CMTM8: variants seen among roughly 807,000 people sequenced by gnomAD.
CMTM8 encodes CKLF-like MARVEL transmembrane domain-containing protein 8.
A neutral mutation model predicts 18.6 loss-of-function variants in CMTM8; 12 were observed. The observed-to-expected ratio is 0.65, with a 90% CI of 0.41 to 1.05. The LOEUF (loss-of-function observed/expected upper bound fraction) is 1.05. Ranked by LOEUF, CMTM8 falls within the 50% of genes least tolerant of loss-of-function variation. The pLI, the probability that CMTM8 is intolerant of heterozygous loss-of-function variation, is 0.00. For synonymous variants in CMTM8, 87 were observed against 90.6 expected, an observed-to-expected ratio of 0.96 and a Z score of 0.23; for missense variants, 217 against 227.2, an observed-to-expected ratio of 0.95 and a Z score of 0.29.
chr3:32,319,074 A>ATATATATATATATATATATATTT, intron 1 of CMTM8, among the ~76,000 whole-genome samples: 1 of 31,530 alleles, frequency 3.2e-5, no homozygotes, highest in African/African-American at 1.5e-4. Context: ...ATATATATAT[A>ATATATATATATATATATATATTT]TTTTTTTTTT....
chr3:32,276,806 G>A (rs1702526260), intron 1 of CMTM8, among the ~76,000 whole-genome samples: 1 of 152,108 alleles, frequency 6.6e-6, no homozygotes, highest in Non-Finnish European at 1.5e-5. Context: ...GAGGCTGCCA[G>A]ACCTTCCATA....
intron 1 of CMTM8, among the ~76,000 whole-genome samples, chr3:32,337,617 T>C (rs1575182932): frequency 6.6e-6 from 1 of 152,152 alleles, no homozygotes; most frequent in African/African-American, 2.4e-5. Flanking sequence ...GAGCAGCCCA[T>C]GAGAAAGAGG....
chr3:32,303,031 G>A (rs1281855845), intron 1 of CMTM8, among the ~76,000 whole-genome samples: 3 of 152,168 alleles, frequency 2.0e-5, no homozygotes, highest in Admixed American at 6.5e-5. Flanking sequence ...TCACATGCCC[G>A]ATTGCACAGC....
At chr3:32,254,635 T>C (rs1228568301) in intron 1 of CMTM8, among the ~76,000 whole-genome samples, 1 of 152,166 alleles carries the variant, frequency 6.6e-6, no homozygotes, top group Non-Finnish European at 1.5e-5. Flanking sequence ...GATATATAAT[T>C]ATATGATTCC....
At chr3:32,265,125 T>C (rs1421739733) in intron 1 of CMTM8, among the ~76,000 whole-genome samples, 11 of 152,094 alleles carry the variant, frequency 7.2e-5, no homozygotes, top group Admixed American at 7.2e-4. Flanking sequence ...TACAAAACTC[T>C]CCGCCCCAAA....
At chr3:32,279,213 A>G (rs185590797) in intron 1 of CMTM8, among the ~76,000 whole-genome samples, 8,848 of 145,542 alleles carry the variant, frequency 0.061, 252 homozygotes, top group Non-Finnish European at 0.079. Flanking sequence ...GTTTTAGGGT[A>G]CATGTGCACA....
At chr3:32,271,133 T>G (rs1702433453) in intron 1 of CMTM8, among the ~76,000 whole-genome samples, 1 of 152,210 alleles carries the variant, frequency 6.6e-6, no homozygotes, top group Non-Finnish European at 1.5e-5. Flanking sequence ...TGTTTTTTTA[T>G]TTGTTTGTTT....
At chr3:32,326,573 G>A (rs556375568) in intron 1 of CMTM8, among the ~76,000 whole-genome samples, 1 of 145,178 alleles carries the variant, frequency 6.9e-6, no homozygotes, top group Admixed American at 7.2e-5. Flanking sequence ...CTGGAGTGCA[G>A]TGGCGTGATC....
chr3:32,300,578 A>T (rs925402865), intron 1 of CMTM8, among the ~76,000 whole-genome samples: 10 of 152,320 alleles, frequency 6.6e-5, no homozygotes, highest in African/African-American at 1.4e-4. Context: ...TTGTCTTCTG[A>T]GCCCTAACAC....
At chr3:32,254,067 T>C (rs1416406807) in intron 1 of CMTM8, among the ~76,000 whole-genome samples, 1 of 152,124 alleles carries the variant, frequency 6.6e-6, no homozygotes, top group Non-Finnish European at 1.5e-5. Context: ...CTAATTTTTG[T>C]ATTTTTAGTA....
intron 1 of CMTM8, among the ~76,000 whole-genome samples, chr3:32,269,590 G>A (rs879611251): frequency 1.3e-5 from 2 of 150,510 alleles, no homozygotes; most frequent in Non-Finnish European, 2.9e-5. Flanking sequence ...AAGAACTCAG[G>A]TGGGAGCTGA....
intron 1 of CMTM8, among the ~76,000 whole-genome samples, chr3:32,347,531 T>C (rs989822006): frequency 2.0e-5 from 3 of 151,554 alleles, no homozygotes; most frequent in Admixed American, 2.0e-4. Flanking sequence ...TACACACAAG[T>C]GCTGGGGGGC....
chr3:32,329,361 T>C (rs1473163793), intron 1 of CMTM8, among the ~76,000 whole-genome samples: 1 of 152,200 alleles, frequency 6.6e-6, no homozygotes, highest in Admixed American at 6.5e-5. Context: ...CCACCATGCC[T>C]GGCCTCGTTA....
chr3:32,247,105 A>T (rs1197758489), intron 1 of CMTM8, among the ~76,000 whole-genome samples: 5 of 152,198 alleles, frequency 3.3e-5, no homozygotes, highest in Admixed American at 3.3e-4. Flanking sequence ...TGTCCCAAAA[A>T]ATAAAAATTA....
chr3:32,312,281 C>A (rs565550027), intron 1 of CMTM8, among the ~76,000 whole-genome samples: 1 of 152,176 alleles, frequency 6.6e-6, no homozygotes, highest in East Asian at 1.9e-4. Context: ...TAAAGGGGGC[C>A]CGCATCCCTC....
At chr3:32,351,516 T>G (rs909266566) in intron 1 of CMTM8, among the ~76,000 whole-genome samples, 1 of 151,996 alleles carries the variant, frequency 6.6e-6, no homozygotes, top group African/African-American at 2.4e-5. Flanking sequence ...GAGACCAGCC[T>G]GGGCAACATA....
At chr3:32,280,846 C>CAAAAAAAAAGA (rs1702597386) in intron 1 of CMTM8, among the ~76,000 whole-genome samples, 1 of 68,172 alleles carries the variant, frequency 1.5e-5, no homozygotes, top group African/African-American at 6.2e-5. Context: ...AGAAAATAGG[C>CAAAAAAAAAGA]AAAAAAAAAA....
At chr3:32,284,114 G>A (rs892033102) in intron 1 of CMTM8, among the ~76,000 whole-genome samples, 2 of 152,180 alleles carry the variant, frequency 1.3e-5, no homozygotes, top group Admixed American at 6.5e-5. Context: ...TCAGCTGGGT[G>A]TGGTGGCACA....
At chr3:32,342,235 G>A (rs1178562983) in intron 1 of CMTM8, among the ~76,000 whole-genome samples, 1 of 152,168 alleles carries the variant, frequency 6.6e-6, no homozygotes, top group Non-Finnish European at 1.5e-5. Context: ...GCAACAGAAT[G>A]AGACTCCATC....
Sources: allele counts gnomAD v4.1 joint callset (sites outside exome capture counted in the v4.1 genomes callset), GRCh38; gene constraint gnomAD v4.1.1; transcripts MANE v1.5; gene names NCBI Gene and HGNC (gene_info 2026-07-23, HGNC 2026-07-21).